XYLT1: variants seen among roughly 807,000 people sequenced by gnomAD.
The protein encoded by XYLT1 is xylosyltransferase 1, also known as beta-D-xylosyltransferase 1.
In XYLT1, 36 loss-of-function variants were observed where a neutral mutation model predicts 91.3. The ratio of observed to expected loss-of-function variants is 0.39; its 90% CI spans 0.30 to 0.52. XYLT1 has a LOEUF of 0.52. Among genes scored for constraint, XYLT1 ranks in the 20% least tolerant of loss-of-function variants. XYLT1 has a pLI of 0.68. For missense variants in XYLT1, 1,242 were observed against 1,284.5 expected (o/e 0.97, Z 0.51); for synonymous variants, 588 against 532.0 (o/e 1.11, Z -1.45).
intron 3 of XYLT1, among the ~76,000 whole-genome samples, chr16:17,222,635 T>C (rs1161881661): frequency 3.3e-5 from 5 of 151,614 alleles, no homozygotes; most frequent in African/African-American, 1.2e-4. Context: ...ACTAAAAATA[T>C]AAAAATTAGA....
chr16:17,199,494 G>GA (rs2032492501), intron 4 of XYLT1, among the ~76,000 whole-genome samples: 2 of 152,152 alleles, frequency 1.3e-5, no homozygotes, highest in Non-Finnish European at 2.9e-5. Context: ...GCACTCCTGG[G>GA]ATAGTGATAT....
chr16:17,298,855 C>T (rs956137683), intron 2 of XYLT1, among the ~76,000 whole-genome samples: 2 of 152,116 alleles, frequency 1.3e-5, no homozygotes, highest in African/African-American at 4.8e-5. Flanking sequence ...GAGGACACGC[C>T]CTATGAGAGC....
At chr16:17,246,402 G>T (rs753127861) in intron 3 of XYLT1, among the ~76,000 whole-genome samples, 6 of 152,182 alleles carry the variant, frequency 3.9e-5, no homozygotes, top group Non-Finnish European at 8.8e-5. Flanking sequence ...TGATTAACAT[G>T]CAGTGCATTT....
At chr16:17,204,656 A>G (rs1462635505) in intron 3 of XYLT1, among the ~76,000 whole-genome samples, 1 of 152,170 alleles carries the variant, frequency 6.6e-6, no homozygotes, top group Non-Finnish European at 1.5e-5. Context: ...ATTCATTTCT[A>G]TCAAAACTGC....
At chr16:17,161,987 T>G (rs2031566755) in intron 5 of XYLT1, among the ~76,000 whole-genome samples, 1 of 152,014 alleles carries the variant, frequency 6.6e-6, no homozygotes. Flanking sequence ...TCGAAATGAA[T>G]AAAAAAATGA....
At chr16:17,422,636 T>C (rs1387888008) in intron 1 of XYLT1, among the ~76,000 whole-genome samples, 1 of 152,078 alleles carries the variant, frequency 6.6e-6, no homozygotes, top group Admixed American at 6.5e-5. Context: ...GCCTCCCAAG[T>C]AGCTGGCATT....
chr16:17,154,176 A>G (rs559150422), intron 6 of XYLT1, among the ~76,000 whole-genome samples: 2 of 152,204 alleles, frequency 1.3e-5, no homozygotes, highest in Non-Finnish European at 2.9e-5. Flanking sequence ...TCATTATTTG[A>G]ATTTTATAAA....
chr16:17,367,447 C>T (rs1008057059), intron 1 of XYLT1, among the ~76,000 whole-genome samples: 1 of 152,192 alleles, frequency 6.6e-6, no homozygotes, highest in East Asian at 1.9e-4. Flanking sequence ...AGGCACAGGC[C>T]GCAGCACCTA....
chr16:17,158,733 T>A (rs1179564044), intron 6 of XYLT1, 96 bp downstream of exon 6: 1 of 1,374,420 alleles, frequency 7.3e-7, no homozygotes, highest in African/African-American at 1.4e-5. Context: ...ACCCTCAACC[T>A]TTCTGTGGCT....
At chr16:17,402,886 A>G (rs750384335) in intron 1 of XYLT1, among the ~76,000 whole-genome samples, 11 of 152,062 alleles carry the variant, frequency 7.2e-5, no homozygotes, top group Non-Finnish European at 1.5e-4. Context: ...ACTACAGGCA[A>G]CTTCCACCAC....
intron 1 of XYLT1, among the ~76,000 whole-genome samples, chr16:17,385,595 G>C (rs1356544635): frequency 6.6e-6 from 1 of 151,736 alleles, no homozygotes; most frequent in Non-Finnish European, 1.5e-5. Context: ...CACGGTTTTT[G>C]CCATATTTCT....
At chr16:17,211,813 C>T (rs1046003901) in intron 3 of XYLT1, among the ~76,000 whole-genome samples, 1 of 152,182 alleles carries the variant, frequency 6.6e-6, no homozygotes, top group African/African-American at 2.4e-5. Context: ...TCAAAACTAT[C>T]GTCTCCCCTA....
intron 1 of XYLT1, among the ~76,000 whole-genome samples, chr16:17,362,850 C>T (rs1020150282): frequency 2.6e-5 from 4 of 152,168 alleles, no homozygotes; most frequent in Admixed American, 2.6e-4. Flanking sequence ...GGAACTCACG[C>T]CTTCAGAGCC....
At chr16:17,373,311 T>C (rs1313818269) in intron 1 of XYLT1, among the ~76,000 whole-genome samples, 1 of 152,190 alleles carries the variant, frequency 6.6e-6, no homozygotes, top group Non-Finnish European at 1.5e-5. Flanking sequence ...CTCGGGCCAC[T>C]GACGTTCATC....
intron 3 of XYLT1, among the ~76,000 whole-genome samples, chr16:17,242,379 T>C (rs2033360517): frequency 6.6e-6 from 1 of 152,188 alleles, no homozygotes; most frequent in South Asian, 2.1e-4. Context: ...TTACAGAAAG[T>C]TTGTCAATCC....
intron 2 of XYLT1, among the ~76,000 whole-genome samples, chr16:17,299,527 G>A (rs545522692): frequency 1.3e-5 from 2 of 152,270 alleles, no homozygotes; most frequent in East Asian, 3.9e-4. Context: ...TACAGACGAC[G>A]CTGCTGCACA....
intron 1 of XYLT1, among the ~76,000 whole-genome samples, chr16:17,379,300 T>A (rs936316792): frequency 6.6e-6 from 1 of 152,172 alleles, no homozygotes; most frequent in African/African-American, 2.4e-5. Flanking sequence ...GAGTTCCCAT[T>A]TGGCAGCAGC....
intron 5 of XYLT1, among the ~76,000 whole-genome samples, chr16:17,162,140 G>T (rs768262396): frequency 1.3e-5 from 2 of 152,118 alleles, no homozygotes; most frequent in Non-Finnish European, 2.9e-5. Flanking sequence ...GGGTGTGGTA[G>T]CTCATGCCTG....
chr16:17,217,546 C>T (rs1305960027), intron 3 of XYLT1, among the ~76,000 whole-genome samples: 1 of 152,170 alleles, frequency 6.6e-6, no homozygotes, highest in Non-Finnish European at 1.5e-5. Flanking sequence ...TCAGTGAATA[C>T]AGGCATTCTC....
Sources: gnomAD v4.1 joint callset for allele counts (sites outside exome capture counted in the v4.1 genomes callset) on GRCh38, gnomAD v4.1.1 for gene constraint, MANE v1.5 for transcripts, NCBI Gene and HGNC (gene_info 2026-07-23, HGNC 2026-07-21) for gene names.